Variants in ZC3H15 observed in about 807,000 individuals in gnomAD.
ZC3H15 encodes the protein zinc finger CCCH domain-containing protein 15.
ZC3H15 carries 15 observed loss-of-function variants against 51.2 expected under a neutral mutation model. The ratio of observed to expected loss-of-function variants is 0.29; its 90% CI spans 0.20 to 0.45. ZC3H15 has a LOEUF of 0.45. ZC3H15 is among the 20% of genes least tolerant of loss of function. ZC3H15 has a pLI of 1.00. For synonymous variants in ZC3H15, 144 were observed against 162.8 expected (o/e 0.88, Z 0.88); for missense variants, 381 against 494.7 (o/e 0.77, Z 2.18).
intron 1 of ZC3H15, 119 bp downstream of exon 1, chr2:186,486,576 G>A: frequency 9.3e-7 from 1 of 1,077,450 alleles, no homozygotes; most frequent in Non-Finnish European, 1.3e-6. Flanking sequence ...CCTTAGGCCT[G>A]TGTGGCCCAC....
intron 1 of ZC3H15, chr2:186,489,126 C>G (rs759573470): frequency 2.6e-5 from 4 of 152,222 alleles, no homozygotes; most frequent in Non-Finnish European, 5.9e-5. Context: ...AGCCTGACAT[C>G]TTGTAATCTA....
At chr2:186,493,594 C>G (rs1024182714) in intron 1 of ZC3H15, among the ~76,000 whole-genome samples, 6 of 152,116 alleles carry the variant, frequency 3.9e-5, no homozygotes, top group Non-Finnish European at 7.4e-5. Flanking sequence ...ACTGCTGTAA[C>G]ATGACTACAA....
In ZC3H15 at chr2:186,504,203, A is replaced by T. The variant is rs535497739; in HGVS notation, c.706A>T (p.Ile236Phe). 1 of 1,594,234 alleles carries T rather than the reference A, an allele frequency of 6.3e-7. No individual in the cohort carries two copies. The highest frequency in any genetic ancestry group is 1.1e-5 in the South Asian group (1 of 87,944). ...AGATGAAATTTCATTAGAAGATCTA[A>T]TTGAGAGAGAGGTAACTGGTATCCT... The part of the protein sequence containing the change: ...KEDEISLEDL[I>F]ERERSALGPN... Residue 236 changes from isoleucine (I) to phenylalanine (F), a missense_variant, in exon 6 of 10, where the codon ATT (isoleucine) becomes TTT (phenylalanine). By Grantham distance (21) the Ile-to-Phe change is conservative. Coordinates refer to ENST00000337859, the MANE Select transcript of ZC3H15 (RefSeq NM_018471.3).
chr2:186,493,849 TTA>T (rs1175215341), intron 1 of ZC3H15, among the ~76,000 whole-genome samples: 1 of 149,442 alleles, frequency 6.7e-6, no homozygotes, highest in Non-Finnish European at 1.5e-5. Flanking sequence ...AAGGCACCAG[TTA>T]TTGGATCTAG....
chr2:186,486,399 A>C lies in ZC3H15; in HGVS notation c.17A>C (p.Gln6Pro), dbSNP rs1685093359. ...GTCTCCGCAATGCCCCCCAAGAAAC[A>C]GGCTCAGGCCGGGGGCAGCAAAAAG... MPPKK[Q>P]AQAGGSKKAE... The change falls in exon 1 of 10, where the codon CAG becomes CCG. Residue 6 changes from glutamine (Q) to proline (P), a missense_variant. By Grantham distance (76) the Gln-to-Pro change is moderately conservative. Coordinates refer to ENST00000337859, the MANE Select transcript of ZC3H15 (RefSeq NM_018471.3). 1 of 1,554,182 alleles carries C rather than the reference A, an allele frequency of 6.4e-7. No individual in the cohort carries two copies. Among genetic ancestry groups the C allele is most frequent in the Non-Finnish European group, 8.7e-7 (1 of 1,147,146 alleles).
chr2:186,503,949 T>C, intron 5 of ZC3H15, 83 bp from the exon 6 acceptor site: 1 of 1,142,852 alleles, frequency 8.8e-7, no homozygotes, highest in South Asian at 2.0e-5. Context: ...TACTTGTGTG[T>C]ATACTTGTTC....
At chr2:186,488,867 T>C (rs2105584158) in intron 1 of ZC3H15, 1 of 153,002 alleles carries the variant, frequency 6.5e-6, no homozygotes, top group African/African-American at 2.4e-5. Context: ...CCTCAGTTAA[T>C]TGCAGTTGTT....
chr2:186,508,321 C>T (rs1005362896), intron 9 of ZC3H15, among the ~76,000 whole-genome samples: 1 of 152,050 alleles, frequency 6.6e-6, no homozygotes, highest in Non-Finnish European at 1.5e-5. Context: ...ATTAAGTAGT[C>T]AAATGGCTAC....
Position 186,493,494 on chromosome 2 carries a change from G to T in ZC3H15, c.76-1739G>T, listed in dbSNP as rs79959306. Reference sequence around the variant, plus strand: ...GAAAAGACCCAGAAAAAATATTTCAGATATTAGCATTTGGTTTCTTGTCAG... The same window carrying T: ...GAAAAGACCCAGAAAAAATATTTCATATATTAGCATTTGGTTTCTTGTCAG... On this transcript the variant is annotated intron_variant, in intron 1 of 9. Coordinates refer to ENST00000337859, the MANE Select transcript of ZC3H15 (RefSeq NM_018471.3). Among the ~76,000 whole-genome samples the T allele has an allele frequency of 2.0e-4, 31 of 152,250 alleles. No homozygotes were observed. The East Asian group carries it at 5.6e-3, about 28-fold the overall frequency.
chr2:186,506,143 T>C (rs1015691879), intron 8 of ZC3H15: 2 of 422,538 alleles, frequency 4.7e-6, no homozygotes, highest in African/African-American at 4.0e-5. Context: ...GTATGTTTTG[T>C]CCTCCCTCTA....
intron 1 of ZC3H15, among the ~76,000 whole-genome samples, chr2:186,490,741 T>C (rs1393959213): frequency 6.6e-6 from 1 of 152,166 alleles, no homozygotes; most frequent in African/African-American, 2.4e-5. Flanking sequence ...GGAATGGGAT[T>C]ACGTACGGAT....
chr2:186,504,778 A>AT (rs1685442225), intron 6 of ZC3H15, among the ~76,000 whole-genome samples: 3 of 152,224 alleles, frequency 2.0e-5, no homozygotes, highest in Non-Finnish European at 2.9e-5. Flanking sequence ...AGGGTTGCAT[A>AT]TTAAAAACTA....
intron 3 of ZC3H15, 61 bp from the exon 4 acceptor site, chr2:186,501,212 A>G (rs1685377224): frequency 6.9e-7 from 1 of 1,459,138 alleles, no homozygotes; most frequent in Non-Finnish European, 9.1e-7. Context: ...TATTTCAGGT[A>G]GAATCTATAC....
chr2:186,501,174 T>C (rs892806736), intron 3 of ZC3H15, 99 bp from the exon 4 acceptor site: 83 of 1,297,760 alleles, frequency 6.4e-5, no homozygotes, highest in Non-Finnish European at 8.1e-5. Context: ...CATCAGTGAA[T>C]GGAAAATAAG....
Position 186,504,012 on chromosome 2 carries a change from G to T in ZC3H15, c.535-20G>T. The T allele has an allele frequency of 6.5e-7, 1 of 1,535,988 alleles. No homozygotes were observed. Among genetic ancestry groups the T allele is most frequent in the Non-Finnish European group, 8.8e-7 (1 of 1,142,602 alleles). On this transcript the variant is annotated intron_variant, in intron 5 of 9. Transcript: ENST00000337859. ...TGGCCTACACTGAGCCACCGCTTGT[G>T]AATAATATTGTCTCTATAGGTGTGC...
intron 2 of ZC3H15, chr2:186,499,537 A>G (rs748818544): frequency 1.1e-5 from 5 of 454,388 alleles, no homozygotes; most frequent in Non-Finnish European, 1.8e-5. Context: ...AGTTGTTGAC[A>G]TGTCTGTCAT....
intron 8 of ZC3H15, among the ~76,000 whole-genome samples, chr2:186,506,418 T>C (rs769922966): frequency 6.6e-5 from 10 of 152,256 alleles, no homozygotes; most frequent in Non-Finnish European, 1.3e-4. Context: ...GCTATTCTTT[T>C]TAAACGAAGT....
chr2:186,507,319 G>A, intron 9 of ZC3H15: 1 of 449,208 alleles, frequency 2.2e-6, no homozygotes, highest in Non-Finnish European at 4.5e-6. Context: ...TAGGAATAGG[G>A]TGCCAGTTTC....
chr2:186,506,962 T>C, intron 9 of ZC3H15, 126 bp downstream of exon 9: 1 of 1,066,858 alleles, frequency 9.4e-7, no homozygotes, highest in Non-Finnish European at 1.3e-6. Flanking sequence ...GGTTTGACCA[T>C]AAATAAAAGC....
Sources: gnomAD v4.1 joint callset for allele counts (sites outside exome capture counted in the v4.1 genomes callset) on GRCh38, gnomAD v4.1.1 for gene constraint, MANE v1.5 for transcripts, NCBI Gene and HGNC (gene_info 2026-07-23, HGNC 2026-07-21) for gene names.